The following CCSAP variants were observed in gnomAD, a reference collection of about 807,000 sequenced individuals.
CCSAP encodes the protein centriole, cilia and spindle associated protein.
CCSAP carries 17 observed loss-of-function variants against 25.9 expected under a neutral mutation model. The ratio of observed to expected loss-of-function variants is 0.66; its 90% CI spans 0.45 to 0.99. The LOEUF (loss-of-function observed/expected upper bound fraction) is 0.99, where lower values mean the gene tolerates loss of function less well. CCSAP is among the 50% of genes least tolerant of loss of function. The pLI, the probability that CCSAP is intolerant of heterozygous loss-of-function variation, is 0.00. For synonymous variants in CCSAP, 169 were observed against 157.1 expected (o/e 1.08, Z -0.57); for missense variants, 339 against 367.8 (o/e 0.92, Z 0.64).
chr1:229,330,810 A>G (rs1571852290), intron 2 of CCSAP, among the ~76,000 whole-genome samples: 1 of 149,192 alleles, frequency 6.7e-6, no homozygotes, highest in African/African-American at 2.5e-5. Flanking sequence ...GTGCCACTGC[A>G]CTCCAGCCTG....
intron 2 of CCSAP, among the ~76,000 whole-genome samples, chr1:229,332,435 G>A (rs968465667): frequency 1.3e-5 from 2 of 152,182 alleles, no homozygotes; most frequent in Non-Finnish European, 2.9e-5. Flanking sequence ...TATTTCAGAA[G>A]TCTGTGTTGA....
intron 2 of CCSAP, among the ~76,000 whole-genome samples, chr1:229,329,567 G>A (rs192502675): frequency 1.1e-4 from 17 of 152,266 alleles, no homozygotes; most frequent in African/African-American, 3.1e-4. Context: ...GGTCCTATTT[G>A]TATTTTAGGA....
chr1:229,326,305 A>G (rs975810280), intron 3 of CCSAP, among the ~76,000 whole-genome samples: 1 of 152,210 alleles, frequency 6.6e-6, no homozygotes, highest in African/African-American at 2.4e-5. Context: ...GCAATCAATC[A>G]ATCAGACAAA....
chr1:229,337,670 C>CAAAAAAAAAAAAAAAAAAAAAAAAAA (rs539736168), intron 2 of CCSAP, among the ~76,000 whole-genome samples: 1 of 56,066 alleles, frequency 1.8e-5, no homozygotes, highest in Non-Finnish European at 3.6e-5. Context: ...ATCAAAGGCT[C>CAAAAAAAAAAAAAAAAAAAAAAAAAA]AAAAAAAAAT....
intron 2 of CCSAP, among the ~76,000 whole-genome samples, chr1:229,329,718 C>T (rs1323797246): frequency 2.6e-5 from 4 of 152,132 alleles, no homozygotes; most frequent in Non-Finnish European, 2.9e-5. Context: ...CAGCCAGGTA[C>T]GGTGGCTCAA....
At chr1:229,333,240 G>T (rs1658114247) in intron 2 of CCSAP, among the ~76,000 whole-genome samples, 1 of 151,742 alleles carries the variant, frequency 6.6e-6, no homozygotes, top group African/African-American at 2.4e-5. Context: ...AGACCATCCT[G>T]GGTAACACGG....
At chr1:229,325,447 G>A in intron 3 of CCSAP, 36 bp from the exon 4 acceptor site, 2 of 1,590,976 alleles carry the variant, frequency 1.3e-6, no homozygotes, top group Non-Finnish European at 1.7e-6. Context: ...AGTAACTTAA[G>A]GGGCTATTAT....
At position 229,342,407 on chromosome 1, in the gene CCSAP, C is replaced by A; in HGVS notation, c.59G>T (p.Trp20Leu). Residue 20 changes from tryptophan (W) to leucine (L), a missense_variant, in exon 2 of 4, where the codon TGG becomes TTG. Coordinates refer to ENST00000284617, the MANE Select transcript of CCSAP (RefSeq NM_145257.5). This position sits in a 1 kb window ranked among gnomAD's most constrained non-coding sequence, Gnocchi z 7.5. ...GCGGTAGCACGGCCCGTACTCCTCC[C>A]AGCGCGGCTCCTGGTAGCGCTTCAT... Reference protein sequence around the residue: ...EYMKRYQEPRWEEYGPCYREL... With the variant: ...EYMKRYQEPRLEEYGPCYREL... 1 of 1,461,570 alleles carries A rather than the reference C, an allele frequency of 6.8e-7. No homozygotes were observed. The highest frequency in any genetic ancestry group is 9.1e-7 in the Non-Finnish European group (1 of 1,101,472). The allele number at this position is 1,461,570 out of a possible 1,614,324, so 90.5% of individuals were successfully genotyped here. A position where few individuals can be genotyped will look rare whatever the true frequency, so the allele number is the denominator to read the frequency against.
At chr1:229,332,861 A>G (rs1266962525) in intron 2 of CCSAP, among the ~76,000 whole-genome samples, 1 of 152,184 alleles carries the variant, frequency 6.6e-6, no homozygotes, top group African/African-American at 2.4e-5. Context: ...TCACAGAGAG[A>G]GCTGTACTGA....
intron 2 of CCSAP, among the ~76,000 whole-genome samples, chr1:229,338,982 C>A (rs1658267647): frequency 6.7e-6 from 1 of 148,536 alleles, no homozygotes; most frequent in Non-Finnish European, 1.5e-5. Flanking sequence ...GAGTATCACC[C>A]AGAAAACAAA....
chr1:229,338,942 T>C (rs1658267117), intron 2 of CCSAP, among the ~76,000 whole-genome samples: 1 of 149,608 alleles, frequency 6.7e-6, no homozygotes, highest in Non-Finnish European at 1.5e-5. Context: ...AAATGGAAAA[T>C]GTAATAAGAG....
chr1:229,338,007 A>G (rs1254073395), intron 2 of CCSAP, among the ~76,000 whole-genome samples: 2 of 152,288 alleles, frequency 1.3e-5, no homozygotes, highest in South Asian at 2.1e-4. Flanking sequence ...TAACAAAAAA[A>G]TGTAATCAGA....
chr1:229,342,584 A>C lies in CCSAP; in HGVS notation c.-48-71T>G. 5 of 608,250 alleles carry C rather than the reference A, an allele frequency of 8.2e-6. No homozygotes were observed. Among genetic ancestry groups the C allele is most frequent in the Non-Finnish European group, 1.2e-5 (5 of 425,680 alleles). The allele number at this position is 608,250 out of a possible 1,614,324, so 37.7% of individuals were successfully genotyped here. ...CGGCCCTGCCCGCCGCGACGTTTAA[A>C]CCCGGAGCCCCGCCCGGACGGGAGC... On this transcript the variant is annotated intron_variant, in intron 1 of 3. Coordinates refer to ENST00000284617, the MANE Select transcript of CCSAP (RefSeq NM_145257.5). The surrounding 1 kb of genome is among the most constrained non-coding windows in gnomAD (Gnocchi z 7.5).
At position 229,342,578 on chromosome 1, in the gene CCSAP, G is replaced by A. The variant is rs902279823; in HGVS notation, c.-48-65C>T. ...CTCCGCCGGCCCTGCCCGCCGCGACGTTTAAACCCGGAGCCCCGCCCGGAC... is the reference window on the plus strand; with the variant it reads ...CTCCGCCGGCCCTGCCCGCCGCGACATTTAAACCCGGAGCCCCGCCCGGAC... On this transcript the variant is annotated intron_variant, in intron 1 of 3. Coordinates refer to ENST00000284617, the MANE Select transcript of CCSAP (RefSeq NM_145257.5). This position sits in a 1 kb window ranked among gnomAD's most constrained non-coding sequence, Gnocchi z 7.5. 8.6e-6 allele frequency: 6 copies of A among 698,804 alleles called. No homozygotes were observed. Among genetic ancestry groups the A allele is most frequent in the African/African-American group, 1.9e-5 (1 of 53,830 alleles). 43.3% of individuals were successfully genotyped at this position (698,804 alleles called of 1,614,324 possible). A position where few individuals can be genotyped will look rare whatever the true frequency, so the allele number is the denominator to read the frequency against.
Position 229,332,828 on chromosome 1 carries a change from G to A in CCSAP, c.368-5822C>T, listed in dbSNP as rs534594802. ...GCTAGTGGCTACCCTGGCAGACAGC[G>A]CAAATGGAGAACACGCCCATCATCA... On this transcript the variant is annotated intron_variant, in intron 2 of 3. Coordinates refer to ENST00000284617, the MANE Select transcript of CCSAP (RefSeq NM_145257.5). Among the ~76,000 whole-genome samples the A allele has an allele frequency of 5.3e-5, 8 of 152,264 alleles. No individual in the cohort carries two copies. In the East Asian group the frequency reaches 1.2e-3, roughly 22 times the overall value.
Position 229,325,081 on chromosome 1 carries a change from A to G in CCSAP, c.*154T>C. The G allele has an allele frequency of 1.4e-6, 1 of 705,902 alleles. No homozygotes were observed. Among genetic ancestry groups the G allele is most frequent in the Non-Finnish European group, 2.2e-6 (1 of 446,860 alleles). The allele number at this position is 705,902 out of a possible 1,614,324, so 43.7% of individuals were successfully genotyped here. A position where few individuals can be genotyped will look rare whatever the true frequency, so the allele number is the denominator to read the frequency against. On this transcript the variant is annotated 3_prime_UTR_variant, in exon 4 of 4. Transcript: ENST00000284617. ...CCGAGGTAGGTGACCAATATTCATCAAAATAAAACAATCTTTTACAAATTC... is the reference window on the plus strand; with the variant it reads ...CCGAGGTAGGTGACCAATATTCATCGAAATAAAACAATCTTTTACAAATTC...
Position 229,342,251 on chromosome 1 carries a change from G to A in CCSAP, c.215C>T (p.Pro72Leu). 1.6e-6 allele frequency: 2 copies of A among 1,278,082 alleles called. No homozygotes were observed. Among genetic ancestry groups the A allele is most frequent in the Non-Finnish European group, 2.0e-6 (2 of 1,015,428 alleles). 79.2% of individuals were successfully genotyped at this position (1,278,082 alleles called of 1,614,324 possible). A position where few individuals can be genotyped will look rare whatever the true frequency, so the allele number is the denominator to read the frequency against. ...CGAGGGCGGGGCGCACCGGGGTGCGGGGCCCCCGGCGCCCGACGACTCTGA... is the reference window on the plus strand; with the variant it reads ...CGAGGGCGGGGCGCACCGGGGTGCGAGGCCCCCGGCGCCCGACGACTCTGA... ...ASSESSGAGG[P>L]APRCAPPSPP... The change falls in exon 2 of 4, where the codon CCC becomes CTC. Residue 72 changes from proline to leucine, a missense_variant. Pro to Leu is a moderately conservative substitution (Grantham distance 98, BLOSUM62 -3). Transcript: ENST00000284617. The surrounding 1 kb of genome is among the most constrained non-coding windows in gnomAD (Gnocchi z 7.5).
chr1:229,329,922 CG>C (rs1658030188), intron 2 of CCSAP, among the ~76,000 whole-genome samples: 1 of 152,058 alleles, frequency 6.6e-6, no homozygotes, highest in Non-Finnish European at 1.5e-5. Context: ...ACCCAGGAGG[CG>C]GTGGTTGCAG....
At chr1:229,339,903 G>A (rs138395558) in intron 2 of CCSAP, among the ~76,000 whole-genome samples, 8 of 152,100 alleles carry the variant, frequency 5.3e-5, no homozygotes, top group Admixed American at 3.9e-4. Flanking sequence ...GTGTGTGTGG[G>A]TGAGGAGAGC....
Sources: allele counts gnomAD v4.1 joint callset (sites outside exome capture counted in the v4.1 genomes callset), GRCh38; gene constraint gnomAD v4.1.1; non-coding constraint Gnocchi (gnomAD v3.1); transcripts MANE v1.5; gene names NCBI Gene and HGNC (gene_info 2026-07-23, HGNC 2026-07-21).